GPR89B: variants seen among roughly 807,000 people sequenced by gnomAD.
GPR89B encodes G protein-coupled receptor 89B.
GPR89B carries 25 observed loss-of-function variants against 52.4 expected under a neutral mutation model. The ratio of observed to expected loss-of-function variants is 0.48; its 90% CI spans 0.35 to 0.67. The LOEUF is 0.67. GPR89B is among the 30% of genes least tolerant of loss of function. GPR89B has a pLI of 0.01. For synonymous variants in GPR89B, 52 were observed against 151.2 expected (o/e 0.34, Z 4.81); for missense variants, 146 against 450.2 (o/e 0.32, Z 6.11).
At chr1:148,000,188 TA>T in the GPR89B span, among the ~76,000 whole-genome samples, 1 of 151,662 alleles carries the variant, frequency 6.6e-6, no homozygotes, top group South Asian at 2.1e-4. Flanking sequence ...CCTAACTAAA[TA>T]TTTTGAGTAT....
the GPR89B span, among the ~76,000 whole-genome samples, chr1:148,021,406 G>A: frequency 5.9e-5 from 9 of 151,920 alleles, no homozygotes; most frequent in African/African-American, 1.5e-4. Context: ...GGAGGCCGAG[G>A]CGGGAGAATG....
the GPR89B span, among the ~76,000 whole-genome samples, chr1:147,999,390 C>G: frequency 1.3e-5 from 2 of 149,490 alleles, no homozygotes; most frequent in African/African-American, 4.9e-5. Context: ...GGGCGGATCA[C>G]AAGGTCAGGA....
the GPR89B span, among the ~76,000 whole-genome samples, chr1:148,013,316 G>A: frequency 1.3e-5 from 2 of 152,140 alleles, no homozygotes; most frequent in East Asian, 3.9e-4. Context: ...AAGCCTCCCT[G>A]CGACCGCAGG....
the GPR89B span, among the ~76,000 whole-genome samples, chr1:148,024,927 G>A: frequency 0.024 from 3,711 of 151,930 alleles, 76 homozygotes; most frequent in South Asian, 0.045. Context: ...CCATCCTTCC[G>A]TATGCTCAGT....
At chr1:147,964,370 C>A (rs1656877323) in intron 7 of GPR89B, among the ~76,000 whole-genome samples, 1 of 151,984 alleles carries the variant, frequency 6.6e-6, no homozygotes, top group Admixed American at 6.6e-5. Context: ...CAAACCTCAG[C>A]CAAGTGCATA....
intron 3 of GPR89B, 42 bp downstream of exon 3, chr1:147,938,859 C>G (rs6679780): frequency 6.7e-7 from 1 of 1,482,158 alleles, no homozygotes; most frequent in East Asian, 2.3e-5. Context: ...GAGTTCTGTG[C>G]TACATTCTTT....
At chr1:147,949,252 GC>G (rs1307679451) in intron 5 of GPR89B, among the ~76,000 whole-genome samples, 2 of 151,978 alleles carry the variant, frequency 1.3e-5, no homozygotes, top group Non-Finnish European at 2.9e-5. Context: ...TGTCATCATG[GC>G]CCGGTCTCAA....
intron 8 of GPR89B, chr1:147,968,317 A>G (rs1657180517): frequency 4.4e-6 from 2 of 453,918 alleles, no homozygotes; most frequent in Non-Finnish European, 8.8e-6. Context: ...TGAGCAAGTT[A>G]TTTAACTCTC....
In GPR89B at chr1:147,947,458, G is replaced by A. The variant is rs1168530395; in HGVS notation, c.415+3360G>A. 2.0e-5 allele frequency among the ~76,000 whole-genome samples: 3 copies of A among 151,906 alleles called. No homozygotes were observed. The East Asian group carries it at 5.8e-4, about 29-fold the overall frequency. ...GTCCTTAGTGGGAAAGAGTAAGAGA[G>A]ATTACAAAAGACTGTAAGGAATCTG... On this transcript the variant is annotated intron_variant, in intron 5 of 13. Transcript: ENST00000314163.
chr1:147,939,444 AG>A (rs1236437517), intron 3 of GPR89B, among the ~76,000 whole-genome samples: 1 of 152,212 alleles, frequency 6.6e-6, no homozygotes, highest in Non-Finnish European at 1.5e-5. Flanking sequence ...ATTTATATGT[AG>A]GGTTCATCAA....
At chr1:148,008,215 G>T in the GPR89B span, among the ~76,000 whole-genome samples, 1 of 152,174 alleles carries the variant, frequency 6.6e-6, no homozygotes, top group South Asian at 2.1e-4. Flanking sequence ...CTGCTACCTT[G>T]TTATATATTT....
the GPR89B span, among the ~76,000 whole-genome samples, chr1:148,016,885 G>A: frequency 6.7e-6 from 1 of 149,924 alleles, no homozygotes. Flanking sequence ...GTTTCATTTT[G>A]CATATTTTCA....
chr1:148,001,824 T>G, the GPR89B span, among the ~76,000 whole-genome samples: 3 of 151,656 alleles, frequency 2.0e-5, no homozygotes, highest in Non-Finnish European at 4.4e-5. Flanking sequence ...GGCTGCAAGT[T>G]CCCAGAAAGT....
In GPR89B at chr1:147,936,603, C is replaced by T. The variant is rs782589771; in HGVS notation, c.43-24C>T. 11 of 1,597,688 alleles carry T rather than the reference C, an allele frequency of 6.9e-6. No individual in the cohort carries two copies. In the South Asian group the frequency reaches 8.8e-5, roughly 13 times the overall value. ...TTTCTCAAAAGAAAATATGTATTGACATTCTATCTTCTTTCTCCTCCAGAT... is the reference window on the plus strand; with the variant it reads ...TTTCTCAAAAGAAAATATGTATTGATATTCTATCTTCTTTCTCCTCCAGAT... On this transcript the variant is annotated intron_variant, in intron 1 of 13. Transcript: ENST00000314163.
intron 2 of GPR89B, among the ~76,000 whole-genome samples, chr1:147,938,360 A>T (rs1162574702): frequency 1.3e-5 from 2 of 150,758 alleles, no homozygotes; most frequent in East Asian, 3.9e-4. Context: ...CTGATCCAGG[A>T]TCTGCAGAGT....
At chr1:147,935,276 TC>T (rs1653987560) in intron 1 of GPR89B, among the ~76,000 whole-genome samples, 1 of 151,790 alleles carries the variant, frequency 6.6e-6, no homozygotes, top group Non-Finnish European at 1.5e-5. Context: ...CCAAAGAAGT[TC>T]CAGGGGGCTG....
downstream of GPR89B, chr1:147,995,600 T>C: frequency 6.2e-7 from 1 of 1,609,010 alleles, no homozygotes; most frequent in Middle Eastern, 2.3e-4. Flanking sequence ...ACTCACCCGT[T>C]CTTTTGCCAT....
At chr1:147,962,750 T>A (rs1656693125) in intron 7 of GPR89B, among the ~76,000 whole-genome samples, 1 of 151,304 alleles carries the variant, frequency 6.6e-6, no homozygotes, top group Admixed American at 6.6e-5. Context: ...TACAAAAAAT[T>A]AGCCCGGTGT....
intron 1 of GPR89B, among the ~76,000 whole-genome samples, chr1:147,936,131 C>T (rs1654066450): frequency 6.6e-6 from 1 of 152,038 alleles, no homozygotes; most frequent in African/African-American, 2.4e-5. Context: ...GATTCTCATG[C>T]CTCAGCCTTT....
Sources: gnomAD v4.1 joint callset for allele counts (sites outside exome capture counted in the v4.1 genomes callset) on GRCh38, gnomAD v4.1.1 for gene constraint, MANE v1.5 for transcripts, NCBI Gene and HGNC (gene_info 2026-07-23, HGNC 2026-07-21) for gene names.